Variants in ECSIT observed in about 807,000 individuals in gnomAD.
ECSIT encodes the protein evolutionarily conserved signaling intermediate in Toll pathway, mitochondrial.
Under a neutral mutation model 36.8 loss-of-function variants are expected in ECSIT, and 29 were observed. The observed-to-expected ratio is 0.79, with a 90% CI of 0.59 to 1.08. The LOEUF (loss-of-function observed/expected upper bound fraction) is 1.08. ECSIT is among the 50% of genes least tolerant of loss of function. The pLI is 0.00. For synonymous variants in ECSIT, 231 were observed against 234.8 expected (o/e 0.98, Z 0.15); for missense variants, 542 against 581.0 (o/e 0.93, Z 0.69).
rs1971735384 is a variant in ECSIT, at chr19:11,506,297, C to T, written c.1183G>A (p.Gly395Arg). Reference protein sequence around the residue: ...AQIPVVFRLAGSTRELQTSSA... With the variant: ...AQIPVVFRLARSTRELQTSSA... ...GATGTCTGGAGCTCCCGGGTGGACCCGGCGAGGCGGAAGACCACGGGGATC... is the reference window on the plus strand; with the variant it reads ...GATGTCTGGAGCTCCCGGGTGGACCTGGCGAGGCGGAAGACCACGGGGATC... Residue 395 changes from glycine (G) to arginine (R), a missense_variant, in exon 8 of 8, where the codon GGG becomes AGG. Physicochemically the swap from Gly to Arg is moderately radical, Grantham distance 125 (BLOSUM62 -2). Transcript: ENST00000270517. 27 of 1,612,936 alleles carry T rather than the reference C, an allele frequency of 1.7e-5. No individual in the cohort carries two copies. Among genetic ancestry groups the T allele is most frequent in the Non-Finnish European group, 2.3e-5 (27 of 1,179,846 alleles).
chr19:11,513,337 G>A (rs1971912886), intron 3 of ECSIT, 58 bp from the exon 4 acceptor site: 2 of 1,388,004 alleles, frequency 1.4e-6, no homozygotes, highest in Admixed American at 3.4e-5. Context: ...GGGAAGGGAA[G>A]AGGAGAAAAG....
Position 11,506,056 on chromosome 19 carries a change from A to T in ECSIT, c.*128T>A. 1 of 1,434,542 alleles carries T rather than the reference A, an allele frequency of 7.0e-7. No homozygotes were observed. The highest frequency in any genetic ancestry group is 9.4e-7 in the Non-Finnish European group (1 of 1,069,212). 88.9% of individuals were successfully genotyped at this position (1,434,542 alleles called of 1,614,324 possible). A position where few individuals can be genotyped will look rare whatever the true frequency, so the allele number is the denominator to read the frequency against. ...CGAGATCCTGGGGAGGGGATGCCAT[A>T]CTGCTAGAGATGAGGGAAGAGAGCC... On this transcript the variant is annotated 3_prime_UTR_variant, in exon 8 of 8. Transcript: ENST00000270517.
chr19:11,506,529 C>CTTTTTTTTT lies in ECSIT; in HGVS notation c.1052-110_1052-102dup, dbSNP rs71166605. The CTTTTTTTTT allele has an allele frequency of 3.1e-5, 21 of 678,396 alleles. No individual in the cohort carries two copies. In the African/African-American group the frequency reaches 5.6e-4, roughly 18 times the overall value. The allele number at this position is 678,396 out of a possible 1,614,324, so 42.0% of individuals were successfully genotyped here. On this transcript the variant is annotated intron_variant, in intron 7 of 7. Transcript: ENST00000270517. ...GGTATTTTACACTCCCTTCCACTTC[C>CTTTTTTTTT]TTTTTTTTTTTTTTTTTTTTTTTGA... is the stretch of plus-strand genomic sequence containing the variant.
At chr19:11,510,290 C>T (rs1417924499) in intron 4 of ECSIT, among the ~76,000 whole-genome samples, 1 of 152,102 alleles carries the variant, frequency 6.6e-6, no homozygotes, top group Non-Finnish European at 1.5e-5. Flanking sequence ...ACCCTCCTGC[C>T]TCAGCCTCCT....
At chr19:11,515,164 C>T (rs912856166) in intron 2 of ECSIT, among the ~76,000 whole-genome samples, 32 of 144,150 alleles carry the variant, frequency 2.2e-4, no homozygotes, top group Admixed American at 1.1e-3. Context: ...AGTGCAGTGG[C>T]GCGATCTCGG....
In ECSIT at chr19:11,506,348, G is replaced by T. The variant is rs774617724; in HGVS notation, c.1132C>A (p.Gln378Lys). The T allele has an allele frequency of 1.2e-6, 2 of 1,613,616 alleles. No individual in the cohort carries two copies. Among genetic ancestry groups the T allele is most frequent in the South Asian group, 2.2e-5 (2 of 91,084 alleles). ...TGGGCCAGGGTTGGGTTGGTCTCCT[G>T]CAGGCCCTGGATCCACTTAGCCATC... ...ATMAKWIQGLQETNPTLAQIP... is the reference protein window; with the variant it reads ...ATMAKWIQGLKETNPTLAQIP... Residue 378 changes from glutamine (Q) to lysine (K), a missense_variant, in exon 8 of 8, where the codon CAG becomes AAG. Physicochemically the swap from Gln to Lys is moderately conservative, Grantham distance 53. Coordinates refer to ENST00000270517, the MANE Select transcript of ECSIT (RefSeq NM_016581.5).
intron 1 of ECSIT, among the ~76,000 whole-genome samples, chr19:11,523,002 C>T (rs184073299): frequency 1.6e-3 from 241 of 150,734 alleles, no homozygotes; most frequent in African/African-American, 5.6e-3. Flanking sequence ...ACCCGGGAGG[C>T]GGAGCTTGCA....
intron 1 of ECSIT, chr19:11,522,463 C>A: frequency 1.4e-6 from 2 of 1,446,786 alleles, no homozygotes; most frequent in South Asian, 1.2e-5. Flanking sequence ...GCACAAGCCA[C>A]GCTTCACCAC....
intron 4 of ECSIT, among the ~76,000 whole-genome samples, chr19:11,508,585 G>C (rs145981180): frequency 4.6e-5 from 7 of 151,728 alleles, no homozygotes; most frequent in Non-Finnish European, 8.8e-5. Flanking sequence ...ATGGAGTTTT[G>C]CTCATTACCC....
chr19:11,515,581 C>G (rs536322513), intron 2 of ECSIT, among the ~76,000 whole-genome samples: 1 of 150,032 alleles, frequency 6.7e-6, no homozygotes, highest in African/African-American at 2.5e-5. Context: ...CTCAGCCTCC[C>G]AAGTAGCTAG....
Position 11,525,353 on chromosome 19 carries a change from T to G in ECSIT, c.-24+3709A>C, listed in dbSNP as rs116682523. On this transcript the variant is annotated intron_variant, in intron 1 of 7. Transcript: ENST00000270517. ...GCCAGACACTGTCTCTATAAAAAAATTTAAAAATTAACCAGGCATGGTAGT... is the reference window on the plus strand; with the variant it reads ...GCCAGACACTGTCTCTATAAAAAAAGTTAAAAATTAACCAGGCATGGTAGT... Among the ~76,000 whole-genome samples, 1,179 of 151,368 alleles carry G rather than the reference T, an allele frequency of 7.8e-3. 20 individuals are homozygous for G. The highest frequency in any genetic ancestry group is 0.072 in the East Asian group (366 of 5,106).
intron 1 of ECSIT, among the ~76,000 whole-genome samples, chr19:11,524,076 C>T (rs1972162476): frequency 1.3e-5 from 2 of 152,090 alleles, no homozygotes; most frequent in Non-Finnish European, 2.9e-5. Flanking sequence ...TGCGCCACCA[C>T]ACTCAACTAA....
At chr19:11,522,511 C>A in intron 1 of ECSIT, 1 of 973,530 alleles carries the variant, frequency 1.0e-6, no homozygotes, top group Non-Finnish European at 1.6e-6. Context: ...GTAGGGCCCT[C>A]ACCCAGGTGT....
At chr19:11,520,234 C>T (rs544573902) in intron 1 of ECSIT, among the ~76,000 whole-genome samples, 1 of 152,158 alleles carries the variant, frequency 6.6e-6, no homozygotes, top group East Asian at 1.9e-4. Flanking sequence ...TGCAATAGTG[C>T]CATCTCGGCT....
intron 1 of ECSIT, among the ~76,000 whole-genome samples, chr19:11,527,693 A>C (rs1972244070): frequency 6.6e-6 from 1 of 152,184 alleles, no homozygotes; most frequent in Non-Finnish European, 1.5e-5. Flanking sequence ...TCCTGTCTCT[A>C]AAAATAAATA....
intron 6 of ECSIT, 55 bp downstream of exon 6, chr19:11,507,646 AG>A (rs1971778965): frequency 6.2e-7 from 1 of 1,613,314 alleles, no homozygotes. Flanking sequence ...ATGCACCCTC[AG>A]GGTAGTGCCA....
intron 2 of ECSIT, among the ~76,000 whole-genome samples, chr19:11,514,672 C>T (rs1162513979): frequency 6.6e-6 from 1 of 151,918 alleles, no homozygotes; most frequent in Admixed American, 6.6e-5. Flanking sequence ...CCGGTGTACA[C>T]CACCACACCT....
chr19:11,506,152 G>C lies in ECSIT; in HGVS notation c.*32C>G, dbSNP rs1024891131. 1 of 1,599,040 alleles carries C rather than the reference G, an allele frequency of 6.3e-7. No homozygotes were observed. Among genetic ancestry groups the C allele is most frequent in the Non-Finnish European group, 8.5e-7 (1 of 1,178,646 alleles). Reference sequence around the variant, plus strand: ...ATGCCTTCAGTCCACCGCCTCCTCGGGCCACAGCCCGTGCCCTCGCGCCGG... The same window carrying C: ...ATGCCTTCAGTCCACCGCCTCCTCGCGCCACAGCCCGTGCCCTCGCGCCGG... On this transcript the variant is annotated 3_prime_UTR_variant, in exon 8 of 8. Coordinates refer to ENST00000270517, the MANE Select transcript of ECSIT (RefSeq NM_016581.5).
At chr19:11,521,028 A>G (rs973459557) in intron 1 of ECSIT, among the ~76,000 whole-genome samples, 1 of 151,298 alleles carries the variant, frequency 6.6e-6, no homozygotes, top group South Asian at 2.1e-4. Flanking sequence ...CTGGTCTTGA[A>G]CTCCTGACAT....
Sources: allele counts gnomAD v4.1 joint callset (sites outside exome capture counted in the v4.1 genomes callset), GRCh38; gene constraint gnomAD v4.1.1; transcripts MANE v1.5; gene names NCBI Gene and HGNC (gene_info 2026-07-23, HGNC 2026-07-21).